Variants in RYR3 observed in about 807,000 individuals in gnomAD.
The protein encoded by RYR3 is brain ryanodine receptor-calcium release channel.
RYR3 carries 207 observed loss-of-function variants against 584.3 expected under a neutral mutation model. The observed-to-expected ratio is 0.35, with a 90% CI of 0.32 to 0.40. The LOEUF (loss-of-function observed/expected upper bound fraction) is 0.40, where lower values mean the gene tolerates loss of function less well. RYR3 is among the 10% of genes least tolerant of loss of function. The pLI is 1.00. For missense variants in RYR3, 5,616 were observed against 6,089.2 expected (o/e 0.92, Z 2.59); for synonymous variants, 2,416 against 2,248.5 (o/e 1.07, Z -2.11).
At chr15:33,314,923 A>T (rs1286975129) in intron 1 of RYR3, among the ~76,000 whole-genome samples, 4 of 91,442 alleles carry the variant, frequency 4.4e-5, no homozygotes, top group African/African-American at 1.7e-4. Flanking sequence ...CAAAGAAAAC[A>T]AACAACAAAA....
At position 33,818,732 on chromosome 15, in the gene RYR3, G is replaced by A. The variant is rs776585374; in HGVS notation, c.10706+48G>A. The A allele has an allele frequency of 2.9e-5, 40 of 1,368,288 alleles. No homozygotes were observed. The Admixed American group carries it at 5.9e-4, about 20-fold the overall frequency. The allele number at this position is 1,368,288 out of a possible 1,614,324, so 84.8% of individuals were successfully genotyped here. On this transcript the variant is annotated intron_variant, in intron 76 of 103. Transcript: ENST00000634891. ...CTTCTCCCAGGCACCAGGGATACTT[G>A]TGTCCACTCCTGACCTTCTTCTCTC... is the stretch of plus-strand genomic sequence containing the variant.
At chr15:33,537,378 G>C (rs1229176812) in intron 5 of RYR3, among the ~76,000 whole-genome samples, 1 of 151,972 alleles carries the variant, frequency 6.6e-6, no homozygotes, top group Non-Finnish European at 1.5e-5. Context: ...TAGTTTGTTT[G>C]TTTGTTTTTT....
chr15:33,524,888 G>T (rs2054279762), intron 3 of RYR3, among the ~76,000 whole-genome samples: 1 of 151,962 alleles, frequency 6.6e-6, no homozygotes, highest in Non-Finnish European at 1.5e-5. Context: ...TTTTGTCATA[G>T]TGTTACAAAG....
At chr15:33,511,827 G>T (rs2053039836) in intron 3 of RYR3, among the ~76,000 whole-genome samples, 1 of 152,166 alleles carries the variant, frequency 6.6e-6, no homozygotes, top group Non-Finnish European at 1.5e-5. Flanking sequence ...CGCCCAGGCT[G>T]CAGTGCAGTG....
intron 1 of RYR3, among the ~76,000 whole-genome samples, chr15:33,468,993 G>A (rs145794312): frequency 1.3e-5 from 2 of 152,336 alleles, no homozygotes; most frequent in Non-Finnish European, 2.9e-5. Flanking sequence ...TTGATGCGAA[G>A]CTTAAATGGG....
intron 59 of RYR3, among the ~76,000 whole-genome samples, chr15:33,756,633 G>T (rs536980116): frequency 3.9e-5 from 6 of 152,248 alleles, no homozygotes; most frequent in African/African-American, 1.4e-4. Flanking sequence ...TGTGGCCTGT[G>T]TGCGTGGTTC....
At chr15:33,795,503 T>TCCTG (rs1210699662) in intron 67 of RYR3, among the ~76,000 whole-genome samples, 3 of 148,534 alleles carry the variant, frequency 2.0e-5, no homozygotes, top group African/African-American at 7.4e-5. Flanking sequence ...CAAGCGATTC[T>TCCTG]CCTGCCTCAG....
At position 33,806,920 on chromosome 15, in the gene RYR3, A is replaced by AT. The variant is rs35069939; in HGVS notation, c.10012-620dup. Among the ~76,000 whole-genome samples, 712 of 141,366 alleles carry AT rather than the reference A, an allele frequency of 5.0e-3. 1 individual carries two copies. Among genetic ancestry groups the AT allele is most frequent in the East Asian group, 0.018 (85 of 4,842 alleles). 92.7% of individuals were successfully genotyped at this position (141,366 alleles called of 152,430 possible). Reference sequence around the variant, plus strand: ...AACACACAACCCCACACCCAGCTGAATTTTTTTTTTTTTTTGTAAAGACAG... The same window carrying AT: ...AACACACAACCCCACACCCAGCTGAATTTTTTTTTTTTTTTTGTAAAGACAG... On this transcript the variant is annotated intron_variant, in intron 69 of 103. Coordinates refer to ENST00000634891, the MANE Select transcript of RYR3 (RefSeq NM_001036.6).
chr15:33,465,998 A>T (rs2048458376), intron 1 of RYR3, among the ~76,000 whole-genome samples: 1 of 152,296 alleles, frequency 6.6e-6, no homozygotes, highest in Non-Finnish European at 1.5e-5. Flanking sequence ...ATGTGGGGAG[A>T]TACTCAGAAA....
Position 33,614,366 on chromosome 15 carries a change from A to G in RYR3, c.2357+991A>G, listed in dbSNP as rs1384012149. ...ATTCCAAAGTCTGAAGCACATCTCT[A>G]ATGATTTCAGATAAAGGATTTGGGC... On this transcript the variant is annotated intron_variant, in intron 19 of 103. Transcript: ENST00000634891. 4.6e-5 allele frequency among the ~76,000 whole-genome samples: 7 copies of G among 152,128 alleles called. No individual in the cohort carries two copies. The South Asian group carries it at 1.2e-3, about 27-fold the overall frequency.
In RYR3 at chr15:33,311,745, C is replaced by T. The variant is rs1181115155; in HGVS notation, c.51+649C>T. 6.6e-6 allele frequency among the ~76,000 whole-genome samples: 1 copy of T among 152,260 alleles called. No homozygotes were observed. The highest frequency in any genetic ancestry group is 2.4e-5 in the African/African-American group (1 of 41,474). On this transcript the variant is annotated intron_variant, in intron 1 of 103. Transcript: ENST00000634891. The surrounding 1 kb of genome is among the most constrained non-coding windows in gnomAD (Gnocchi z 4.4). ...GTCGTGTGTTCGAGAGCTGTGGCTT[C>T]TGCTCCTGGCTCCCGCGAGCCCCGC...
intron 30 of RYR3, among the ~76,000 whole-genome samples, chr15:33,648,457 C>T (rs1348985596): frequency 1.3e-5 from 2 of 152,164 alleles, no homozygotes; most frequent in Non-Finnish European, 2.9e-5. Flanking sequence ...TAGTGATAAC[C>T]CCATGGATTG....
intron 19 of RYR3, among the ~76,000 whole-genome samples, chr15:33,618,262 T>C (rs2060551222): frequency 6.6e-6 from 1 of 152,258 alleles, no homozygotes; most frequent in South Asian, 2.1e-4. Context: ...TGTAACTCTT[T>C]TGCCAGCTCT....
At position 33,412,902 on chromosome 15, in the gene RYR3, C is replaced by T. The variant is rs1029012859; in HGVS notation, c.52-60517C>T. ...GAAGGCAGCTGGGGTTGAGTGTTGACGATGAGAAAAAAATTCTGTTCAAGA... is the reference window on the plus strand; with the variant it reads ...GAAGGCAGCTGGGGTTGAGTGTTGATGATGAGAAAAAAATTCTGTTCAAGA... On this transcript the variant is annotated intron_variant, in intron 1 of 103. Coordinates refer to ENST00000634891, the MANE Select transcript of RYR3 (RefSeq NM_001036.6). This position sits in a 1 kb window ranked among gnomAD's most constrained non-coding sequence, Gnocchi z 4.3. 2.0e-5 allele frequency among the ~76,000 whole-genome samples: 3 copies of T among 151,888 alleles called. No homozygotes were observed. The highest frequency in any genetic ancestry group is 2.1e-4 in the South Asian group (1 of 4,814).
At chr15:33,516,603 T>A (rs1215310227) in intron 3 of RYR3, among the ~76,000 whole-genome samples, 1 of 152,170 alleles carries the variant, frequency 6.6e-6, no homozygotes, top group Non-Finnish European at 1.5e-5. Flanking sequence ...CCCAAAGTGC[T>A]GTGATTATAG....
In RYR3 at chr15:33,662,793, T is replaced by C. The variant is rs1222548697; in HGVS notation, c.5263T>C (p.Phe1755Leu). 6.2e-7 allele frequency: 1 copy of C among 1,613,790 alleles called. No homozygotes were observed. Among genetic ancestry groups the C allele is most frequent in the South Asian group, 1.1e-5 (1 of 91,074 alleles). ...QILLLIDPSV[F>L]GEHSAGTEEG... ...CCTCCTCCTGATTGATCCCTCTGTGTTTGGGGAGCATAGTGCGGGGACAGA... is the reference window on the plus strand; with the variant it reads ...CCTCCTCCTGATTGATCCCTCTGTGCTTGGGGAGCATAGTGCGGGGACAGA... The change falls in exon 35 of 104, where the codon TTT (phenylalanine) becomes CTT (leucine). Residue 1755 changes from phenylalanine to leucine, a missense_variant. Transcript: ENST00000634891.
intron 1 of RYR3, among the ~76,000 whole-genome samples, chr15:33,336,778 C>G (rs988935106): frequency 6.6e-6 from 1 of 151,812 alleles, no homozygotes; most frequent in Admixed American, 6.5e-5. Flanking sequence ...AAACTCTGGC[C>G]GGGCGTGGTG....
chr15:33,840,771 C>T (rs969140657), intron 89 of RYR3, 54 bp from the exon 90 acceptor site: 2 of 1,555,846 alleles, frequency 1.3e-6, no homozygotes, highest in Non-Finnish European at 1.8e-6. Context: ...AATGTCTCAT[C>T]ATCATGACCT....
At chr15:33,750,108 C>G (rs2071134813) in intron 56 of RYR3, 54 bp downstream of exon 56, 2 of 1,607,406 alleles carry the variant, frequency 1.2e-6, no homozygotes, top group Non-Finnish European at 1.7e-6. Flanking sequence ...CAGCTATGGT[C>G]TCCCAGAAGT....
Sources: gnomAD v4.1 joint callset for allele counts (sites outside exome capture counted in the v4.1 genomes callset) on GRCh38, gnomAD v4.1.1 for gene constraint, Gnocchi (gnomAD v3.1) non-coding constraint, MANE v1.5 for transcripts, NCBI Gene and HGNC (gene_info 2026-07-23, HGNC 2026-07-21) for gene names.